The following CAMTA1 variants were observed in gnomAD, a reference collection of about 807,000 sequenced individuals.
CAMTA1 encodes the protein calmodulin binding transcription activator 1, also known as calmodulin-binding transcription activator 1.
Under a neutral mutation model 170.9 loss-of-function variants are expected in CAMTA1, and 27 were observed. The observed-to-expected ratio is 0.16, with a 90% CI of 0.12 to 0.22. The LOEUF is 0.22. Ranked by LOEUF, CAMTA1 falls within the 10% of genes least tolerant of loss-of-function variation. The pLI is 1.00. For synonymous variants in CAMTA1, 833 were observed against 891.5 expected (o/e 0.93, Z 1.17); for missense variants, 1,619 against 2,217.2 (o/e 0.73, Z 5.42).
At chr1:7,307,648 A>T (rs1355760042) in intron 5 of CAMTA1, among the ~76,000 whole-genome samples, 1 of 152,004 alleles carries the variant, frequency 6.6e-6, no homozygotes, top group Non-Finnish European at 1.5e-5. Flanking sequence ...TAACATGGTA[A>T]ATTACAGTGA....
chr1:7,394,837 G>C (rs756748370), intron 5 of CAMTA1, among the ~76,000 whole-genome samples: 7 of 146,568 alleles, frequency 4.8e-5, no homozygotes, highest in Admixed American at 1.4e-4. Context: ...GTGTGTGTGT[G>C]TGTGTCTGTG....
intron 3 of CAMTA1, among the ~76,000 whole-genome samples, chr1:6,908,865 G>A (rs910045975): frequency 3.3e-5 from 5 of 152,244 alleles, no homozygotes; most frequent in Admixed American, 3.3e-4. Flanking sequence ...TTATTGACAA[G>A]TAAGTGTGCA....
chr1:7,658,825 G>C (rs2095928854), intron 7 of CAMTA1, among the ~76,000 whole-genome samples: 1 of 152,226 alleles, frequency 6.6e-6, no homozygotes, highest in South Asian at 2.1e-4. Flanking sequence ...CTTCCCTCCA[G>C]CTGTCAGGGA....
intron 6 of CAMTA1, among the ~76,000 whole-genome samples, chr1:7,559,163 A>C (rs1340209637): frequency 2.0e-5 from 3 of 152,132 alleles, no homozygotes; most frequent in Non-Finnish European, 2.9e-5. Flanking sequence ...GGCTGTAGGC[A>C]TTGCCGCCAC....
At chr1:7,442,354 G>A (rs533647389) in intron 5 of CAMTA1, among the ~76,000 whole-genome samples, 9 of 152,292 alleles carry the variant, frequency 5.9e-5, no homozygotes, top group Non-Finnish European at 1.0e-4. Context: ...GGGGGCTTTC[G>A]CTGTGGGCAG....
At chr1:7,567,509 G>A (rs1026956647) in intron 6 of CAMTA1, among the ~76,000 whole-genome samples, 7 of 152,236 alleles carry the variant, frequency 4.6e-5, no homozygotes, top group African/African-American at 1.4e-4. Flanking sequence ...GCCGATGACA[G>A]GGAAAGCAGT....
At chr1:7,729,376 A>G (rs972714594) in intron 11 of CAMTA1, among the ~76,000 whole-genome samples, 2 of 152,188 alleles carry the variant, frequency 1.3e-5, no homozygotes, top group Non-Finnish European at 2.9e-5. Context: ...TCAGCCTCTC[A>G]AAGTGGTGGG....
intron 5 of CAMTA1, among the ~76,000 whole-genome samples, chr1:7,434,877 CA>C (rs779722434): frequency 0.017 from 1,443 of 83,398 alleles, 12 homozygotes; most frequent in African/African-American, 0.035. Flanking sequence ...CCTGTCTCTA[CA>C]AAAAAAAAAA....
At chr1:7,643,187 C>CAGA (rs2095778567) in intron 7 of CAMTA1, among the ~76,000 whole-genome samples, 5 of 149,954 alleles carry the variant, frequency 3.3e-5, no homozygotes, top group African/African-American at 1.0e-4. Flanking sequence ...AGTTGCCTTC[C>CAGA]TGGCCTTTCT....
intron 6 of CAMTA1, among the ~76,000 whole-genome samples, chr1:7,522,232 A>T (rs2094375161): frequency 6.6e-6 from 1 of 152,080 alleles, no homozygotes; most frequent in Admixed American, 6.6e-5. Flanking sequence ...TTTGACTTAC[A>T]TTTCTTTAAG....
At chr1:7,365,574 G>A (rs2085903478) in intron 5 of CAMTA1, among the ~76,000 whole-genome samples, 1 of 152,182 alleles carries the variant, frequency 6.6e-6, no homozygotes, top group South Asian at 2.1e-4. Context: ...TGGAGAGTGA[G>A]CGCAGCTCTG....
At chr1:6,905,926 C>T (rs1013645183) in intron 3 of CAMTA1, among the ~76,000 whole-genome samples, 5 of 152,180 alleles carry the variant, frequency 3.3e-5, no homozygotes, top group Non-Finnish European at 7.3e-5. Flanking sequence ...GTGGCTCCTG[C>T]TGCTGGTTCT....
At chr1:7,083,664 A>G (rs1640332969) in intron 3 of CAMTA1, among the ~76,000 whole-genome samples, 1 of 152,178 alleles carries the variant, frequency 6.6e-6, no homozygotes, top group African/African-American at 2.4e-5. Context: ...CTGGTTATTT[A>G]TTTATTTAAA....
chr1:7,647,410 G>A (rs970103274), intron 7 of CAMTA1, among the ~76,000 whole-genome samples: 1 of 152,124 alleles, frequency 6.6e-6, no homozygotes, highest in African/African-American at 2.4e-5. Context: ...GTCGACCAGC[G>A]CCACCTGGTG....
chr1:6,809,836 T>C (rs1644964932), intron 1 of CAMTA1, among the ~76,000 whole-genome samples: 1 of 152,048 alleles, frequency 6.6e-6, no homozygotes, highest in African/African-American at 2.4e-5. Context: ...TTGTCAGTCG[T>C]AATGCTGCAG....
intron 4 of CAMTA1, among the ~76,000 whole-genome samples, chr1:7,211,262 C>A (rs1369600008): frequency 2.6e-5 from 4 of 152,222 alleles, no homozygotes; most frequent in Non-Finnish European, 5.9e-5. Context: ...AACTTACTTA[C>A]AGTGCAAGGT....
intron 3 of CAMTA1, among the ~76,000 whole-genome samples, chr1:7,000,271 T>C (rs970628410): frequency 5.3e-5 from 8 of 152,364 alleles, no homozygotes; most frequent in Middle Eastern, 3.4e-3. Context: ...GAGGACCCAC[T>C]CATGCTTGTC....
chr1:7,360,646 C>G (rs2085471507), intron 5 of CAMTA1, among the ~76,000 whole-genome samples: 1 of 152,246 alleles, frequency 6.6e-6, no homozygotes, highest in South Asian at 2.1e-4. Context: ...TTGTGGCTCT[C>G]TCAGGACTGT....
chr1:7,378,928 C>G (rs746273431), intron 5 of CAMTA1, among the ~76,000 whole-genome samples: 1 of 152,092 alleles, frequency 6.6e-6, no homozygotes, highest in Non-Finnish European at 1.5e-5. Context: ...ATATCTTGCA[C>G]CGGCTCCTCG....
Sources: gnomAD v4.1 joint callset for allele counts (sites outside exome capture counted in the v4.1 genomes callset) on GRCh38, gnomAD v4.1.1 for gene constraint, MANE v1.5 for transcripts, NCBI Gene and HGNC (gene_info 2026-07-23, HGNC 2026-07-21) for gene names.